Variants in PCDHB8 observed in about 807,000 individuals in gnomAD.
PCDHB8 encodes the protein protocadherin beta-8.
For missense variants in PCDHB8, 836 were observed against 1,004.0 expected, an observed-to-expected ratio of 0.83 and a Z score of 2.26; for synonymous variants, 385 against 448.5, an observed-to-expected ratio of 0.86 and a Z score of 1.79.
chr5:141,179,287 A>G lies in PCDHB8; in HGVS notation c.1253A>G (p.Tyr418Cys). The G allele has an allele frequency of 6.2e-7, 1 of 1,614,244 alleles. No individual in the cohort carries two copies. The highest frequency in any genetic ancestry group is 8.5e-7 in the Non-Finnish European group (1 of 1,180,042). ...CTAGACAGAGAAAGCAGAGCCGAGT[A>G]CAACGTCACTATCACCGTCACTGAC... ...TPLDRESRAE[Y>C]NVTITVTDLG... The change falls in exon 1 of 1, where the codon TAC becomes TGC. Residue 418 changes from tyrosine (Y) to cysteine (C), a missense_variant. Transcript: ENST00000239444.
chr5:141,178,841 T>C lies in PCDHB8; in HGVS notation c.807T>C (p.Asp269=), dbSNP rs1554281032. The C allele has an allele frequency of 1.2e-6, 2 of 1,614,276 alleles. No homozygotes were observed. Among genetic ancestry groups the C allele is most frequent in the South Asian group, 1.1e-5 (1 of 91,088 alleles). Reference sequence around the variant, plus strand: ...TGGTTGTGAAGGTCTCTGCCACGGATGTAGACACAGGAGTCAACGGAGAGA... The same window carrying C: ...TGGTTGTGAAGGTCTCTGCCACGGACGTAGACACAGGAGTCAACGGAGAGA... ...SFLVVKVSAT[D]VDTGVNGEIS... is the part of the protein sequence containing the mutation. The change falls in exon 1 of 1, where the codon GAT becomes GAC. Residue 269 remains aspartate, a synonymous_variant. Transcript: ENST00000239444.
chr5:141,180,091 C>G lies in PCDHB8; in HGVS notation c.2057C>G (p.Ser686Cys). ...EAAPAQGQADSLTVYLVVALA... is the reference protein window; with the variant it reads ...EAAPAQGQADCLTVYLVVALA... ...GCCCCAGCCCAGGGCCAGGCCGACT[C>G]TCTCACCGTCTACCTGGTGGTGGCG... is the stretch of plus-strand genomic sequence containing the variant. Residue 686 changes from serine (S) to cysteine (C), a missense_variant, in exon 1 of 1, where the codon TCT (serine) becomes TGT (cysteine). Ser to Cys is a moderately radical substitution (Grantham distance 112, BLOSUM62 -1). Coordinates refer to ENST00000239444, the MANE Select transcript of PCDHB8 (RefSeq NM_019120.5). 1.2e-6 allele frequency: 2 copies of G among 1,610,500 alleles called. No homozygotes were observed. The highest frequency in any genetic ancestry group is 1.7e-6 in the Non-Finnish European group (2 of 1,179,854).
Position 141,179,287 on chromosome 5 carries a change from A to T in PCDHB8, c.1253A>T (p.Tyr418Phe), listed in dbSNP as rs782324576. 1 of 1,614,246 alleles carries T rather than the reference A, an allele frequency of 6.2e-7. No homozygotes were observed. Among genetic ancestry groups the T allele is most frequent in the South Asian group, 1.1e-5 (1 of 91,088 alleles). The change falls in exon 1 of 1, where the codon TAC becomes TTC. Residue 418 changes from tyrosine (Y) to phenylalanine (F), a missense_variant. By Grantham distance (22) the Tyr-to-Phe change is conservative. Transcript: ENST00000239444. ...CTAGACAGAGAAAGCAGAGCCGAGT[A>T]CAACGTCACTATCACCGTCACTGAC... ...TPLDRESRAE[Y>F]NVTITVTDLG...
Position 141,180,051 on chromosome 5 carries a change from C to T in PCDHB8, c.2017C>T (p.Pro673Ser). The change falls in exon 1 of 1, where the codon CCG (proline) becomes TCG (serine). Residue 673 changes from proline (P) to serine (S), a missense_variant. Pro to Ser is a moderately conservative substitution (Grantham distance 74). Coordinates refer to ENST00000239444, the MANE Select transcript of PCDHB8 (RefSeq NM_019120.5). Reference sequence around the variant, plus strand: ...GGACGGCTTCTCCCAGCCCTACCTGCCGCTTCCGGAGGCTGCCCCAGCCCA... The same window carrying T: ...GGACGGCTTCTCCCAGCCCTACCTGTCGCTTCCGGAGGCTGCCCCAGCCCA... ...LVDGFSQPYLPLPEAAPAQGQ... is the reference protein window; with the variant it reads ...LVDGFSQPYLSLPEAAPAQGQ... 2.5e-6 allele frequency: 4 copies of T among 1,609,782 alleles called. No homozygotes were observed. The highest frequency in any genetic ancestry group is 3.4e-6 in the Non-Finnish European group (4 of 1,179,826).
Position 141,179,251 on chromosome 5 carries a change from C to G in PCDHB8, c.1217C>G (p.Thr406Arg). ...SSVGNFYTLL[T>R]ETPLDRESRA... Reference sequence around the variant, plus strand: ...GTGGGGAACTTTTACACCCTACTAACAGAGACACCACTAGACAGAGAAAGC... The same window carrying G: ...GTGGGGAACTTTTACACCCTACTAAGAGAGACACCACTAGACAGAGAAAGC... Residue 406 changes from threonine (T) to arginine (R), a missense_variant, in exon 1 of 1, where the codon ACA (threonine) becomes AGA (arginine). Coordinates refer to ENST00000239444, the MANE Select transcript of PCDHB8 (RefSeq NM_019120.5). The G allele has an allele frequency of 6.2e-7, 1 of 1,614,214 alleles. No individual in the cohort carries two copies. The highest frequency in any genetic ancestry group is 8.5e-7 in the Non-Finnish European group (1 of 1,180,042).
In PCDHB8 at chr5:141,179,534, C is replaced by T; in HGVS notation, c.1500C>T (p.Pro500=). The T allele has an allele frequency of 6.2e-7, 1 of 1,613,772 alleles. No individual in the cohort carries two copies. Among genetic ancestry groups the T allele is most frequent in the African/African-American group, 1.3e-5 (1 of 75,056 alleles). ...SLLPPQDPHL[P]LASLVSINTD... ...TGCCGCCCCAGGATCCGCACCTGCCCCTCGCCTCCCTGGTCTCCATCAACA... is the reference window on the plus strand; with the variant it reads ...TGCCGCCCCAGGATCCGCACCTGCCTCTCGCCTCCCTGGTCTCCATCAACA... Residue 500 remains proline, a synonymous_variant, in exon 1 of 1, where the codon CCC becomes CCT. Coordinates refer to ENST00000239444, the MANE Select transcript of PCDHB8 (RefSeq NM_019120.5).
rs1753480887 is a variant in PCDHB8, at chr5:141,179,455, T to G, written c.1421T>G (p.Val474Gly). 1 of 1,613,802 alleles carries G rather than the reference T, an allele frequency of 6.2e-7. No individual in the cohort carries two copies. Among genetic ancestry groups the G allele is most frequent in the Non-Finnish European group, 8.5e-7 (1 of 1,180,010 alleles). ...AGCCCCGCCCTGCACATCGGCAGCG[T>G]CAGCGCCACAGACAGAGACTCGGGC... ...NNSPALHIGS[V>G]SATDRDSGTN... Residue 474 changes from valine to glycine, a missense_variant, in exon 1 of 1, where the codon GTC becomes GGC. Coordinates refer to ENST00000239444, the MANE Select transcript of PCDHB8 (RefSeq NM_019120.5).
Position 141,178,332 on chromosome 5 carries a change from A to G in PCDHB8, c.298A>G (p.Thr100Ala), listed in dbSNP as rs1412881400. ...GGACCGTGAGGATCTGTGCGGTCACACAGAGCCCTGTGTGCTACGTTTCCA... is the reference window on the plus strand; with the variant it reads ...GGACCGTGAGGATCTGTGCGGTCACGCAGAGCCCTGTGTGCTACGTTTCCA... ...KLDREDLCGH[T>A]EPCVLRFQVL... is the part of the protein sequence containing the mutation. The change falls in exon 1 of 1, where the codon ACA becomes GCA. Residue 100 changes from threonine to alanine, a missense_variant. Physicochemically the swap from Thr to Ala is moderately conservative, Grantham distance 58. Coordinates refer to ENST00000239444, the MANE Select transcript of PCDHB8 (RefSeq NM_019120.5). 2 of 1,541,264 alleles carry G rather than the reference A, an allele frequency of 1.3e-6. No homozygotes were observed. Among genetic ancestry groups the G allele is most frequent in the African/African-American group, 2.9e-5 (2 of 69,484 alleles).
In PCDHB8 at chr5:141,180,058, C is replaced by T. The variant is rs1753513480; in HGVS notation, c.2024C>T (p.Pro675Leu). 1.9e-6 allele frequency: 3 copies of T among 1,609,848 alleles called. No homozygotes were observed. The highest frequency in any genetic ancestry group is 2.5e-6 in the Non-Finnish European group (3 of 1,179,828). Residue 675 changes from proline to leucine, a missense_variant, in exon 1 of 1, where the codon CCG becomes CTG. Coordinates refer to ENST00000239444, the MANE Select transcript of PCDHB8 (RefSeq NM_019120.5). ...DGFSQPYLPLPEAAPAQGQAD... is the reference protein window; with the variant it reads ...DGFSQPYLPLLEAAPAQGQAD... ...TTCTCCCAGCCCTACCTGCCGCTTC[C>T]GGAGGCTGCCCCAGCCCAGGGCCAG... is the stretch of plus-strand genomic sequence containing the variant.
In PCDHB8 at chr5:141,180,227, C is replaced by T. The variant is rs200714038; in HGVS notation, c.2193C>T (p.Gly731=). 1.1e-5 allele frequency: 18 copies of T among 1,613,384 alleles called. No individual in the cohort carries two copies. The East Asian group carries it at 1.8e-4, about 16-fold the overall frequency. The change falls in exon 1 of 1, where the codon GGC becomes GGT. Residue 731 remains glycine, a synonymous_variant. Transcript: ENST00000239444. ...ASVGRCSVPE[G]PFPGHLVDVR... ...TGGGTCGCTGCTCAGTGCCTGAGGG[C>T]CCCTTTCCAGGGCATCTGGTGGACG...
chr5:141,179,755 C>G lies in PCDHB8; in HGVS notation c.1721C>G (p.Thr574Ser). 1 of 1,611,216 alleles carries G rather than the reference C, an allele frequency of 6.2e-7. No homozygotes were observed. Among genetic ancestry groups the G allele is most frequent in the Non-Finnish European group, 8.5e-7 (1 of 1,179,432 alleles). Residue 574 changes from threonine (T) to serine (S), a missense_variant, in exon 1 of 1, where the codon ACC becomes AGC. Thr to Ser is a moderately conservative substitution (Grantham distance 58). Transcript: ENST00000239444. ...CTGCAGAATGGCTCCGCGCCCTGCA[C>G]CGAGCTGGTGCCCCGGGCGGCCGAG... ...YPLQNGSAPC[T>S]ELVPRAAEPG...
Position 141,180,266 on chromosome 5 carries a change from G to C in PCDHB8, c.2232G>C (p.Gly744=). 5 of 1,613,928 alleles carry C rather than the reference G, an allele frequency of 3.1e-6. No homozygotes were observed. Among genetic ancestry groups the C allele is most frequent in the Non-Finnish European group, 4.2e-6 (5 of 1,179,984 alleles). ...PGHLVDVRGT[G]SLSQNYQYEV... is the part of the protein sequence containing the mutation. ...ATCTGGTGGACGTGAGGGGCACCGG[G>C]AGCCTGTCTCAGAACTATCAGTACG... is the stretch of plus-strand genomic sequence containing the variant. Residue 744 remains glycine (G), a synonymous_variant, in exon 1 of 1, where the codon GGG becomes GGC. Transcript: ENST00000239444.
Position 141,179,249 on chromosome 5 carries a change from A to G in PCDHB8, c.1215A>G (p.Leu405=). 6.2e-7 allele frequency: 1 copy of G among 1,614,202 alleles called. No homozygotes were observed. Among genetic ancestry groups the G allele is most frequent in the Non-Finnish European group, 8.5e-7 (1 of 1,180,048 alleles). The change falls in exon 1 of 1, where the codon CTA becomes CTG. Residue 405 remains leucine (L), a synonymous_variant. Transcript: ENST00000239444. ...CTGTGGGGAACTTTTACACCCTACT[A>G]ACAGAGACACCACTAGACAGAGAAA... The part of the protein sequence containing the change: ...KSSVGNFYTL[L]TETPLDRESR...
In PCDHB8 at chr5:141,180,222, G is replaced by A. The variant is rs782549611; in HGVS notation, c.2188G>A (p.Glu730Lys). Reference protein sequence around the residue: ...AASVGRCSVPEGPFPGHLVDV... With the variant: ...AASVGRCSVPKGPFPGHLVDV... ...CTCGGTGGGTCGCTGCTCAGTGCCT[G>A]AGGGCCCCTTTCCAGGGCATCTGGT... Residue 730 changes from glutamate (E) to lysine (K), a missense_variant, in exon 1 of 1, where the codon GAG becomes AAG. By Grantham distance (56) the Glu-to-Lys change is moderately conservative (BLOSUM62 1). Transcript: ENST00000239444. 1 of 1,613,140 alleles carries A rather than the reference G, an allele frequency of 6.2e-7. No individual in the cohort carries two copies. Among genetic ancestry groups the A allele is most frequent in the Non-Finnish European group, 8.5e-7 (1 of 1,179,940 alleles).
In PCDHB8 at chr5:141,180,228, C is replaced by T; in HGVS notation, c.2194C>T (p.Pro732Ser). ...GGGTCGCTGCTCAGTGCCTGAGGGC[C>T]CCTTTCCAGGGCATCTGGTGGACGT... Reference protein sequence around the residue: ...SVGRCSVPEGPFPGHLVDVRG... With the variant: ...SVGRCSVPEGSFPGHLVDVRG... Residue 732 changes from proline (P) to serine (S), a missense_variant, in exon 1 of 1, where the codon CCC becomes TCC. Coordinates refer to ENST00000239444, the MANE Select transcript of PCDHB8 (RefSeq NM_019120.5). 2.5e-6 allele frequency: 4 copies of T among 1,613,388 alleles called. No homozygotes were observed. Among genetic ancestry groups the T allele is most frequent in the South Asian group, 2.2e-5 (2 of 91,036 alleles).
chr5:141,180,054 C>G lies in PCDHB8; in HGVS notation c.2020C>G (p.Leu674Val). The change falls in exon 1 of 1, where the codon CTT (leucine) becomes GTT (valine). Residue 674 changes from leucine (L) to valine (V), a missense_variant. Physicochemically the swap from Leu to Val is conservative, Grantham distance 32. Transcript: ENST00000239444. ...CGGCTTCTCCCAGCCCTACCTGCCG[C>G]TTCCGGAGGCTGCCCCAGCCCAGGG... ...VDGFSQPYLP[L>V]PEAAPAQGQA... The G allele has an allele frequency of 2.5e-6, 4 of 1,609,812 alleles. No homozygotes were observed. Among genetic ancestry groups the G allele is most frequent in the Non-Finnish European group, 3.4e-6 (4 of 1,179,836 alleles).
In PCDHB8 at chr5:141,178,866, AT is replaced by A; in HGVS notation, c.835del (p.Ser279ProfsTer11). 4 of 1,614,232 alleles carry A rather than the reference AT, an allele frequency of 2.5e-6. No homozygotes were observed. In the South Asian group the frequency reaches 4.4e-5, roughly 18 times the overall value. ...TDVDTGVNGEISYSLFQASDE... is the reference protein window; with the variant it reads ...TDVDTGVNGEXSYSLFQASDE... ...TGTAGACACAGGAGTCAACGGAGAG[AT>A]TTCCTATTCACTTTTCCAAGCTTCA... On this transcript the variant is annotated frameshift_variant, in exon 1 of 1. Transcript: ENST00000239444. LOFTEE classifies it low-confidence loss of function (END_TRUNC).
At position 141,180,043 on chromosome 5, in the gene PCDHB8, C is replaced by G; in HGVS notation, c.2009C>G (p.Pro670Arg). Residue 670 changes from proline (P) to arginine (R), a missense_variant, in exon 1 of 1, where the codon CCC becomes CGC. Coordinates refer to ENST00000239444, the MANE Select transcript of PCDHB8 (RefSeq NM_019120.5). The part of the protein sequence containing the change: ...HVLLVDGFSQ[P>R]YLPLPEAAPA... ...CTCCTGGTGGACGGCTTCTCCCAGC[C>G]CTACCTGCCGCTTCCGGAGGCTGCC... 2 of 1,609,652 alleles carry G rather than the reference C, an allele frequency of 1.2e-6. No homozygotes were observed. Among genetic ancestry groups the G allele is most frequent in the Non-Finnish European group, 1.7e-6 (2 of 1,179,824 alleles).
At position 141,178,267 on chromosome 5, in the gene PCDHB8, T is replaced by G. The variant is rs1471202894; in HGVS notation, c.233T>G (p.Leu78Arg). 6.7e-7 allele frequency: 1 copy of G among 1,501,008 alleles called. No homozygotes were observed. Among genetic ancestry groups the G allele is most frequent in the Non-Finnish European group, 9.1e-7 (1 of 1,093,136 alleles). 93.0% of individuals were successfully genotyped at this position (1,501,008 alleles called of 1,614,324 possible). ...VSRGNKLHLQ[L>R]NQETADLLLN... is the part of the protein sequence containing the mutation. ...AGAGGGAACAAACTACATTTGCAGCTCAATCAGGAGACCGCGGATTTGTTG... is the reference window on the plus strand; with the variant it reads ...AGAGGGAACAAACTACATTTGCAGCGCAATCAGGAGACCGCGGATTTGTTG... The change falls in exon 1 of 1, where the codon CTC (leucine) becomes CGC (arginine). Residue 78 changes from leucine (L) to arginine (R), a missense_variant. Physicochemically the swap from Leu to Arg is moderately radical, Grantham distance 102. Coordinates refer to ENST00000239444, the MANE Select transcript of PCDHB8 (RefSeq NM_019120.5).
Sources: gnomAD v4.1 joint callset for allele counts on GRCh38, gnomAD v4.1.1 for gene constraint, MANE v1.5 for transcripts, NCBI Gene and HGNC (gene_info 2026-07-23, HGNC 2026-07-21) for gene names.